EXD3: variants seen among roughly 807,000 people sequenced by gnomAD.
EXD3 encodes the protein exonuclease mut-7 homolog.
Under a neutral mutation model 98.0 loss-of-function variants are expected in EXD3, and 92 were observed. The observed-to-expected ratio is 0.94, with a 90% confidence interval of 0.79 to 1.12. The LOEUF (loss-of-function observed/expected upper bound fraction) is 1.12, where lower values mean the gene tolerates loss of function less well. EXD3 is among the 50% of genes most tolerant of loss of function. EXD3 has a pLI of 0.00. For missense variants in EXD3, 1,222 were observed against 1,191.6 expected (o/e 1.03, Z -0.38); for synonymous variants, 569 against 526.0 (o/e 1.08, Z -1.12).
chr9:137,307,693 G>C, intron 20 of EXD3, 47 bp from the exon 21 acceptor site: 1 of 1,600,432 alleles, frequency 6.2e-7, no homozygotes. Context: ...CTAGGGATGG[G>C]GCTTGGCAGC....
rs544453159 is a variant in EXD3, at chr9:137,316,884, C to T, written c.2184+6841G>A. On this transcript the variant is annotated intron_variant, in intron 19 of 21. Coordinates refer to ENST00000340951, the MANE Select transcript of EXD3 (RefSeq NM_017820.5). The stretch of plus-strand genomic sequence containing the variant: ...AAGGGGAGTGGCCCGTTCAGCCCAC[C>T]CTGCTCTGGTCCTTCCAGGGGAGCT... Among the ~76,000 whole-genome samples, 13 of 152,306 alleles carry T rather than the reference C, an allele frequency of 8.5e-5. No individual in the cohort carries two copies. In the South Asian group the frequency reaches 2.5e-3, roughly 29 times the overall value.
intron 7 of EXD3, chr9:137,365,838 C>G (rs538005246): frequency 5.6e-6 from 2 of 357,410 alleles, no homozygotes; most frequent in Admixed American, 7.5e-5. Flanking sequence ...ACATACACAC[C>G]TGCACAAACG....
rs948807789 is a variant in EXD3 at position 137,407,631 on chromosome 9, C to T, written c.-47-12227G>A. ...GGAAGGATGGAGACGCAGCTCCAGA[C>T]CCCAGAGTGCGGCCCCCCAGACACA... On this transcript the variant is annotated intron_variant, in intron 1 of 21. Coordinates refer to ENST00000340951, the MANE Select transcript of EXD3 (RefSeq NM_017820.5). The surrounding 1 kb of genome is among the most constrained non-coding windows in gnomAD (Gnocchi z 4.4). 1.3e-5 allele frequency among the ~76,000 whole-genome samples: 2 copies of T among 152,190 alleles called. No individual in the cohort carries two copies. Among genetic ancestry groups the T allele is most frequent in the Non-Finnish European group, 2.9e-5 (2 of 68,034 alleles).
rs944580734 is a variant in EXD3, at chr9:137,390,431, CCAAA to C, written c.55+4868_55+4871del. On this transcript the variant is annotated intron_variant, in intron 2 of 21. Coordinates refer to ENST00000340951, the MANE Select transcript of EXD3 (RefSeq NM_017820.5). ...TGGGCGACAGAGCAAGATTCTGTTG[CCAAA>C]AAAAAAAAAAAGTAAATAAATAAAA... Among the ~76,000 whole-genome samples the C allele has an allele frequency of 5.5e-5, 6 of 109,892 alleles. 1 individual carries two copies. Among genetic ancestry groups the C allele is most frequent in the African/African-American group, 2.1e-4 (6 of 29,156 alleles). The allele number at this position is 109,892 out of a possible 152,430, so 72.1% of individuals were successfully genotyped here.
intron 2 of EXD3, chr9:137,391,826 T>C (rs1836929187): frequency 6.6e-6 from 1 of 152,020 alleles, no homozygotes; most frequent in African/African-American, 2.4e-5. Context: ...AAGTTTTTTA[T>C]TTTTTTTGAG....
In EXD3 at chr9:137,395,672, G is replaced by C. The variant is rs1042220531; in HGVS notation, c.-47-268C>G. ...GCAGGGGGTGGGAGGGGCCCTGGGG[G>C]GGGGCACAGTAGACAGACCCTCGCG... On this transcript the variant is annotated intron_variant, in intron 1 of 21. Transcript: ENST00000340951. This position sits in a 1 kb window ranked among gnomAD's most constrained non-coding sequence, Gnocchi z 6.5. Among the ~76,000 whole-genome samples the C allele has an allele frequency of 3.9e-5, 6 of 152,194 alleles. No homozygotes were observed. The highest frequency in any genetic ancestry group is 8.8e-5 in the Non-Finnish European group (6 of 68,022).
intron 17 of EXD3, among the ~76,000 whole-genome samples, chr9:137,331,738 A>G (rs1400572813): frequency 6.6e-6 from 1 of 152,090 alleles, no homozygotes; most frequent in Non-Finnish European, 1.5e-5. Context: ...TAACATGGTG[A>G]AACCCCGTCT....
In EXD3 at chr9:137,407,293, C is replaced by G. The variant is rs1340606983; in HGVS notation, c.-47-11889G>C. Reference sequence around the variant, plus strand: ...CCAGCGCTGCAGGCAGAGCCCAGCCCGGCGGCCGCGGCGAACACGGGGCGG... The same window carrying G: ...CCAGCGCTGCAGGCAGAGCCCAGCCGGGCGGCCGCGGCGAACACGGGGCGG... On this transcript the variant is annotated intron_variant, in intron 1 of 21. Transcript: ENST00000340951. The surrounding 1 kb of genome is among the most constrained non-coding windows in gnomAD (Gnocchi z 4.4). 6.6e-6 allele frequency among the ~76,000 whole-genome samples: 1 copy of G among 152,220 alleles called. No homozygotes were observed. Among genetic ancestry groups the G allele is most frequent in the Non-Finnish European group, 1.5e-5 (1 of 68,030 alleles).
chr9:137,382,148 G>A (rs1200366005), intron 3 of EXD3, among the ~76,000 whole-genome samples: 1 of 64,094 alleles, frequency 1.6e-5, no homozygotes, highest in Non-Finnish European at 2.9e-5. Flanking sequence ...AGGTGAGGGC[G>A]CGGGGAGGAG....
At chr9:137,391,144 C>T (rs918780423) in intron 2 of EXD3, among the ~76,000 whole-genome samples, 11 of 152,210 alleles carry the variant, frequency 7.2e-5, no homozygotes, top group African/African-American at 2.4e-4. Context: ...GGTGTCCCCA[C>T]GTCCACCCAC....
intron 3 of EXD3, among the ~76,000 whole-genome samples, chr9:137,375,297 G>A (rs1470211100): frequency 5.3e-5 from 8 of 151,872 alleles, no homozygotes; most frequent in East Asian, 2.0e-4. Context: ...GTGAGCCACC[G>A]CGCCCGGCCC....
At chr9:137,366,466 C>T (rs1309464721) in intron 7 of EXD3, 27 bp downstream of exon 7, 1 of 1,536,470 alleles carries the variant, frequency 6.5e-7, no homozygotes, top group Admixed American at 2.0e-5. Flanking sequence ...CATCTGGTGC[C>T]AGCTGCCAGC....
In EXD3 at chr9:137,323,752, G is replaced by A. The variant is rs752984520; in HGVS notation, c.2157C>T (p.Thr719=). Residue 719 remains threonine (T), a synonymous_variant, in exon 19 of 22, where the codon ACC becomes ACT. Transcript: ENST00000340951. ...GGCAGCGGCTGAAGATGTCTGCGTG[G>A]GTGACACGCACGTTGAAATGCTTGA... is the stretch of plus-strand genomic sequence containing the variant. The part of the protein sequence containing the change: ...AVLKHFNVRV[T]HADIFSRCQA... 5.0e-6 allele frequency: 8 copies of A among 1,612,256 alleles called. No individual in the cohort carries two copies. In the East Asian group the frequency reaches 1.6e-4, roughly 31 times the overall value.
At position 137,398,769 on chromosome 9, in the gene EXD3, G is replaced by A. The variant is rs562892530; in HGVS notation, c.-47-3365C>T. Reference sequence around the variant, plus strand: ...GTCCCCGAGACACACAGGCACCCGCGTCCCCGTGACACACAGGCACCCGCG... The same window carrying A: ...GTCCCCGAGACACACAGGCACCCGCATCCCCGTGACACACAGGCACCCGCG... On this transcript the variant is annotated intron_variant, in intron 1 of 21. Coordinates refer to ENST00000340951, the MANE Select transcript of EXD3 (RefSeq NM_017820.5). Among the ~76,000 whole-genome samples the A allele has an allele frequency of 8.4e-5, 8 of 95,328 alleles. No individual in the cohort carries two copies. In the South Asian group the frequency reaches 2.3e-3, roughly 28 times the overall value. 62.5% of individuals were successfully genotyped at this position (95,328 alleles called of 152,430 possible).
At chr9:137,351,886 A>T (rs1442515076) in intron 12 of EXD3, among the ~76,000 whole-genome samples, 180 bp downstream of exon 12, 1 of 152,232 alleles carries the variant, frequency 6.6e-6, no homozygotes, top group Non-Finnish European at 1.5e-5. Context: ...AGCAGCCAGC[A>T]TCCTGGAGTC....
chr9:137,369,472 G>A (rs556685721), intron 5 of EXD3, among the ~76,000 whole-genome samples: 1 of 152,346 alleles, frequency 6.6e-6, no homozygotes, highest in East Asian at 1.9e-4. Context: ...ATTGTCAGGT[G>A]CAGGGAAGTG....
At chr9:137,313,577 C>T (rs1304976844) in intron 19 of EXD3, among the ~76,000 whole-genome samples, 1 of 152,212 alleles carries the variant, frequency 6.6e-6, no homozygotes, top group Non-Finnish European at 1.5e-5. Context: ...AAGCTTGTTG[C>T]AACCTCAGCC....
chr9:137,388,137 C>A (rs909817335), intron 2 of EXD3, among the ~76,000 whole-genome samples: 12 of 152,186 alleles, frequency 7.9e-5, no homozygotes, highest in African/African-American at 2.9e-4. Context: ...AAGAGCTGGG[C>A]TGCTTCTCTC....
intron 17 of EXD3, among the ~76,000 whole-genome samples, chr9:137,335,554 C>G (rs1833315930): frequency 6.6e-6 from 1 of 152,080 alleles, no homozygotes; most frequent in African/African-American, 2.4e-5. Context: ...GTGGCAGGTG[C>G]CTGTAGTCCT....
Sources: gnomAD v4.1 joint callset for allele counts (sites outside exome capture counted in the v4.1 genomes callset) on GRCh38, gnomAD v4.1.1 for gene constraint, Gnocchi (gnomAD v3.1) non-coding constraint, MANE v1.5 for transcripts, NCBI Gene and HGNC (gene_info 2026-07-23, HGNC 2026-07-21) for gene names.